The following PTPN14 variants were observed in gnomAD, a reference collection of about 807,000 sequenced individuals.
The protein encoded by PTPN14 is protein tyrosine phosphatase non-receptor type 14.
In PTPN14, 53 loss-of-function variants were observed where a neutral mutation model predicts 126.8. The ratio of observed to expected loss-of-function variants is 0.42; its 90% CI spans 0.34 to 0.53. PTPN14 has a LOEUF of 0.53. PTPN14 is among the 20% of genes least tolerant of loss of function. PTPN14 has a pLI of 0.08. For synonymous variants in PTPN14, 630 were observed against 599.3 expected (o/e 1.05, Z -0.75); for missense variants, 1,257 against 1,552.9 (o/e 0.81, Z 3.20).
intron 3 of PTPN14, among the ~76,000 whole-genome samples, chr1:214,434,486 T>C (rs780624529): frequency 6.6e-6 from 1 of 150,788 alleles, no homozygotes; most frequent in Non-Finnish European, 1.5e-5. Context: ...ATGAAAGCAA[T>C]GAGTAAGTTA....
intron 10 of PTPN14, 62 bp downstream of exon 10, chr1:214,393,633 A>C (rs1209060510): frequency 2.3e-6 from 3 of 1,321,542 alleles, no homozygotes; most frequent in Non-Finnish European, 3.3e-6. Flanking sequence ...ACAGCACCCC[A>C]AAAGGACATT....
Position 214,395,588 on chromosome 1 carries a change from A to AACACACACACACACACAC in PTPN14, c.759-620_759-603dup, listed in dbSNP as rs57357032. ...ATGTGCCTACACTTTGGGACCCAAC[A>AACACACACACACACACAC]ACACACACACACACACACACACACA... On this transcript the variant is annotated intron_variant, in intron 8 of 18. Transcript: ENST00000366956. Among the ~76,000 whole-genome samples the AACACACACACACACACAC allele has an allele frequency of 1.8e-3, 233 of 132,536 alleles. 3 individuals carry two copies. The East Asian group carries it at 0.018, about 10-fold the overall frequency. The allele number at this position is 132,536 out of a possible 152,430, so 86.9% of individuals were successfully genotyped here.
chr1:214,385,637 G>A (rs142958321), intron 12 of PTPN14, among the ~76,000 whole-genome samples: 64 of 152,178 alleles, frequency 4.2e-4, no homozygotes, highest in Middle Eastern at 3.4e-3. Context: ...CCTTTCTGTG[G>A]CCAAAATATA....
rs775740161 is a variant in PTPN14, at chr1:214,451,872, G to T, written c.277C>A (p.Pro93Thr). The T allele has an allele frequency of 1.8e-5, 29 of 1,614,074 alleles. No homozygotes were observed. The highest frequency in any genetic ancestry group is 3.3e-5 in the Admixed American group (2 of 60,012). The change falls in exon 3 of 19, where the codon CCT (proline) becomes ACT (threonine). Residue 93 changes from proline (P) to threonine (T), a missense_variant. Physicochemically the swap from Pro to Thr is conservative, Grantham distance 38 (BLOSUM62 -1). Transcript: ENST00000366956. ...KKHLDKFANE[P>T]LLFFGVMFYV... is the part of the protein sequence containing the mutation. The stretch of plus-strand genomic sequence containing the variant: ...AACATGACTCCAAAGAAAAGCAAAG[G>T]CTCATTAGCGAATTTGTCCAGATGT...
At chr1:214,471,025 C>A (rs1454810174) in intron 1 of PTPN14, among the ~76,000 whole-genome samples, 4 of 129,310 alleles carry the variant, frequency 3.1e-5, no homozygotes, top group South Asian at 2.5e-4. Context: ...AATTCCATCT[C>A]AAAAAAAAAA....
intron 1 of PTPN14, among the ~76,000 whole-genome samples, chr1:214,503,170 CAAT>C (rs1407095208): frequency 5.3e-5 from 8 of 152,078 alleles, no homozygotes; most frequent in African/African-American, 1.9e-4. Flanking sequence ...TAAGCAATAA[CAAT>C]AATAAAATGG....
intron 3 of PTPN14, among the ~76,000 whole-genome samples, chr1:214,424,429 A>G (rs1448413309): frequency 6.6e-6 from 1 of 152,222 alleles, no homozygotes; most frequent in African/African-American, 2.4e-5. Context: ...TCTGCTCAGA[A>G]GTCAGCAATA....
intron 1 of PTPN14, among the ~76,000 whole-genome samples, chr1:214,507,390 T>G (rs944001606): frequency 6.6e-6 from 1 of 152,188 alleles, no homozygotes; most frequent in African/African-American, 2.4e-5. Flanking sequence ...ATTTGATTAA[T>G]CCTGCATCCA....
chr1:214,522,349 G>C (rs1655281219), intron 1 of PTPN14, among the ~76,000 whole-genome samples: 1 of 152,136 alleles, frequency 6.6e-6, no homozygotes, highest in Non-Finnish European at 1.5e-5. Context: ...CGGCAAGTTT[G>C]GAAGTAGGTA....
At chr1:214,534,621 G>A (rs949161131) in intron 1 of PTPN14, among the ~76,000 whole-genome samples, 1 of 152,012 alleles carries the variant, frequency 6.6e-6, no homozygotes, top group Non-Finnish European at 1.5e-5. Context: ...GCTGAGGCAG[G>A]AGAATGGCGT....
intron 15 of PTPN14, among the ~76,000 whole-genome samples, chr1:214,375,469 T>G (rs553305966): frequency 2.0e-5 from 3 of 152,160 alleles, no homozygotes; most frequent in African/African-American, 7.2e-5. Context: ...TCAGAGCAAA[T>G]GGTGACATTC....
chr1:214,517,730 A>T (rs1655145180), intron 1 of PTPN14, among the ~76,000 whole-genome samples: 1 of 152,108 alleles, frequency 6.6e-6, no homozygotes, highest in Non-Finnish European at 1.5e-5. Flanking sequence ...GGATTGCTTG[A>T]GCTCAGGAGT....
intron 2 of PTPN14, among the ~76,000 whole-genome samples, chr1:214,455,514 A>G (rs1660362646): frequency 6.6e-6 from 1 of 152,188 alleles, no homozygotes; most frequent in Non-Finnish European, 1.5e-5. Context: ...TTATTGCTCC[A>G]GTTTTCTTAA....
intron 2 of PTPN14, among the ~76,000 whole-genome samples, chr1:214,457,887 A>G (rs1419700877): frequency 6.6e-6 from 1 of 152,178 alleles, no homozygotes; most frequent in Non-Finnish European, 1.5e-5. Flanking sequence ...CGTGTTCCAT[A>G]ACCACATGTG....
In PTPN14 at chr1:214,370,173, G is replaced by A. The variant is rs571962797; in HGVS notation, c.3037-482C>T. Among the ~76,000 whole-genome samples, 4 of 152,216 alleles carry A rather than the reference G, an allele frequency of 2.6e-5. No individual in the cohort carries two copies. The East Asian group carries it at 7.7e-4, about 29-fold the overall frequency. ...CGGGTGCCTGTAGTCCCAGCTGCTG[G>A]GGAGGCTGAGGCAGGAGAATGGCAT... is the stretch of plus-strand genomic sequence containing the variant. On this transcript the variant is annotated intron_variant, in intron 16 of 18. Transcript: ENST00000366956.
Position 214,373,558 on chromosome 1 carries a change from AACACACACACACACACACACAC to A in PTPN14, c.2908-741_2908-720del, listed in dbSNP as rs10562157. 3.9e-3 allele frequency among the ~76,000 whole-genome samples: 538 copies of A among 138,686 alleles called. 22 individuals are homozygous for A. In the East Asian group the frequency reaches 0.097, roughly 25 times the overall value. 91.0% of individuals were successfully genotyped at this position (138,686 alleles called of 152,430 possible). On this transcript the variant is annotated intron_variant, in intron 15 of 18. Transcript: ENST00000366956. Reference sequence around the variant, plus strand: ...TCTCTTTTCTAGTCGATTTCATTGAAACACACACACACACACACACACACACACACACACACACACACACACA... The same window carrying A: ...TCTCTTTTCTAGTCGATTTCATTGAAACACACACACACACACACACACACA...
Position 214,383,851 on chromosome 1 carries a change from G to T in PTPN14, c.2004C>A (p.Arg668=). The T allele has an allele frequency of 6.2e-7, 1 of 1,612,696 alleles. No homozygotes were observed. The highest frequency in any genetic ancestry group is 8.5e-7 in the Non-Finnish European group (1 of 1,180,016). The change falls in exon 13 of 19, where the codon CGC becomes CGA. Residue 668 remains arginine (R), a synonymous_variant. Transcript: ENST00000366956. The surrounding 1 kb of genome is among the most constrained non-coding windows in gnomAD (Gnocchi z 4.4). The part of the protein sequence containing the change: ...LKSLHLPMAR[R]NTLREQGPPE... ...GCGGTCCCTGCTCCCGGAGCGTGTTGCGGCGAGCCATGGGGAGGTGGAGCG... is the reference window on the plus strand; with the variant it reads ...GCGGTCCCTGCTCCCGGAGCGTGTTTCGGCGAGCCATGGGGAGGTGGAGCG...
At chr1:214,439,480 T>TA (rs1659990651) in intron 3 of PTPN14, among the ~76,000 whole-genome samples, 3 of 152,198 alleles carry the variant, frequency 2.0e-5, no homozygotes, top group South Asian at 2.1e-4. Context: ...CAGTTAAACT[T>TA]ACGTCAAAGT....
At chr1:214,501,230 G>T (rs1470592744) in intron 1 of PTPN14, among the ~76,000 whole-genome samples, 2 of 152,114 alleles carry the variant, frequency 1.3e-5, no homozygotes, top group South Asian at 4.1e-4. Flanking sequence ...CTTAATCCAT[G>T]AAAACAGAGT....
Sources: allele counts gnomAD v4.1 joint callset (sites outside exome capture counted in the v4.1 genomes callset), GRCh38; gene constraint gnomAD v4.1.1; non-coding constraint Gnocchi (gnomAD v3.1); transcripts MANE v1.5; gene names NCBI Gene and HGNC (gene_info 2026-07-23, HGNC 2026-07-21).